Variants in SCGB2B2 observed in about 807,000 individuals in gnomAD.
SCGB2B2 encodes the protein secretoglobin-like protein.
A neutral mutation model predicts 7.6 loss-of-function variants in SCGB2B2; 11 were observed. The ratio of observed to expected loss-of-function variants is 1.45; its 90% CI spans 0.91 to 2.40. SCGB2B2 has a LOEUF of 2.40. SCGB2B2 is among the 30% of genes most tolerant of loss of function. SCGB2B2 has a pLI of 0.00. For synonymous variants in SCGB2B2, 50 were observed against 48.6 expected (o/e 1.03, Z -0.12); for missense variants, 104 against 115.4 (o/e 0.90, Z 0.45).
chr19:34,642,634 G>A (rs1451417136), intron 1 of SCGB2B2, among the ~76,000 whole-genome samples: 2 of 139,236 alleles, frequency 1.4e-5, no homozygotes, highest in Admixed American at 7.9e-5. Context: ...GGAATTGCTT[G>A]AACCCAGGAG....
intron 1 of SCGB2B2, among the ~76,000 whole-genome samples, chr19:34,598,287 G>A (rs1337870195): frequency 5.3e-5 from 8 of 152,184 alleles, no homozygotes; most frequent in Non-Finnish European, 7.4e-5. Flanking sequence ...GCAGCAGAGC[G>A]TGGAATGGGG....
At chr19:34,666,525 C>A (rs1019673649) in intron 1 of SCGB2B2, among the ~76,000 whole-genome samples, 2 of 152,048 alleles carry the variant, frequency 1.3e-5, no homozygotes, top group East Asian at 3.9e-4. Flanking sequence ...AGGAAGGGGG[C>A]GGGTACCTGG....
rs932168762 is a variant in SCGB2B2, at chr19:34,591,574, A to G, written c.*1981T>C. Among the ~76,000 whole-genome samples the G allele has an allele frequency of 9.9e-5, 15 of 152,178 alleles. No homozygotes were observed. Among genetic ancestry groups the G allele is most frequent in the Non-Finnish European group, 1.5e-4 (10 of 68,022 alleles). ...TCCCAGGATTTTTCACTGCACATGG[A>G]AAGGATCCACCTTTCTGCAAGGTCC... is the stretch of plus-strand genomic sequence containing the variant. On this transcript the variant is annotated 3_prime_UTR_variant, in exon 4 of 4. Transcript: ENST00000601241.
intron 1 of SCGB2B2, among the ~76,000 whole-genome samples, chr19:34,666,213 G>A (rs557024919): frequency 1.9e-4 from 29 of 152,122 alleles, no homozygotes; most frequent in Admixed American, 1.6e-3. Context: ...ATGTCTCCCT[G>A]TCTCTCTCAG....
intron 1 of SCGB2B2, among the ~76,000 whole-genome samples, chr19:34,608,234 CCTT>C (rs781399927): frequency 8.6e-5 from 13 of 151,812 alleles, no homozygotes; most frequent in Non-Finnish European, 1.6e-4. Flanking sequence ...AATGTAATTG[CCTT>C]CTTATTTTCT....
intron 1 of SCGB2B2, among the ~76,000 whole-genome samples, chr19:34,653,234 G>T (rs1448048812): frequency 6.6e-6 from 1 of 151,088 alleles, no homozygotes; most frequent in Admixed American, 6.6e-5. Context: ...ATAGCCAAAA[G>T]TTGATGGATG....
At chr19:34,661,851 C>T (rs148982600) in intron 1 of SCGB2B2, among the ~76,000 whole-genome samples, 146 of 151,724 alleles carry the variant, frequency 9.6e-4, no homozygotes, top group African/African-American at 3.5e-3. Context: ...AGCTCATTAG[C>T]TATTGTTAGT....
chr19:34,617,193 TTAAAG>T lies in SCGB2B2; in HGVS notation c.-2031-20604_-2031-20600del, dbSNP rs780526831. Among the ~76,000 whole-genome samples, 237 of 152,240 alleles carry T rather than the reference TTAAAG, an allele frequency of 1.6e-3. 1 individual carries two copies. Among genetic ancestry groups the T allele is most frequent in the Non-Finnish European group, 2.6e-3 (178 of 68,012 alleles). ...GCTCTTTTTTGCTTCCATATGAACT[TTAAAG>T]TAGTTTTTTCCAATTCTTTGAAGAA... is the stretch of plus-strand genomic sequence containing the variant. On this transcript the variant is annotated intron_variant, in intron 1 of 3. Coordinates refer to ENST00000601241, the MANE Select transcript of SCGB2B2 (RefSeq NM_001025591.4).
chr19:34,662,346 T>C (rs1034018520), intron 1 of SCGB2B2, among the ~76,000 whole-genome samples: 1 of 152,148 alleles, frequency 6.6e-6, no homozygotes, highest in African/African-American at 2.4e-5. Flanking sequence ...GTCCATTCCA[T>C]GTACTTTAGA....
At chr19:34,590,384 T>C (rs547937528), downstream of SCGB2B2, among the ~76,000 whole-genome samples, 140 of 130,566 alleles carry the variant, frequency 1.1e-3, 1 homozygote, top group African/African-American at 3.3e-3. Flanking sequence ...CATCCGTTCA[T>C]CCATCCATCC....
rs1568426907 is a variant in SCGB2B2, at chr19:34,594,282, G to C, written c.139C>G (p.Leu47Val). Residue 47 changes from leucine to valine, a missense_variant, in exon 3 of 4, where the codon CTT becomes GTT. Leu to Val is a conservative substitution (Grantham distance 32). Coordinates refer to ENST00000601241, the MANE Select transcript of SCGB2B2 (RefSeq NM_001025591.4). Reference protein sequence around the residue: ...DVSQDLLKEELARYNPSPLTE... With the variant: ...DVSQDLLKEEVARYNPSPLTE... ...AGGGGACTGGGGTTGTAACGAGCAA[G>C]CTCCTCCTTCAGGAGGTCTTGGGAC... The C allele has an allele frequency of 1.2e-6, 2 of 1,613,966 alleles. No homozygotes were observed. Among genetic ancestry groups the C allele is most frequent in the Non-Finnish European group, 1.7e-6 (2 of 1,179,822 alleles).
At chr19:34,637,117 G>C (rs1046921698) in intron 1 of SCGB2B2, among the ~76,000 whole-genome samples, 32 of 152,306 alleles carry the variant, frequency 2.1e-4, no homozygotes, top group African/African-American at 7.7e-4. Flanking sequence ...AGCACAGTGA[G>C]GCATGAGGAA....
downstream of SCGB2B2, among the ~76,000 whole-genome samples, chr19:34,588,980 G>C (rs2065241790): frequency 6.6e-6 from 1 of 152,180 alleles, no homozygotes; most frequent in South Asian, 2.1e-4. Flanking sequence ...TGGAGGATCA[G>C]GTCTCAAGGT....
At chr19:34,606,143 T>C (rs960441668) in intron 1 of SCGB2B2, among the ~76,000 whole-genome samples, 16 of 152,186 alleles carry the variant, frequency 1.1e-4, no homozygotes, top group African/African-American at 3.6e-4. Flanking sequence ...TTTACATAGT[T>C]ACTAAAAATT....
chr19:34,666,655 A>G (rs1367555428), intron 1 of SCGB2B2, among the ~76,000 whole-genome samples: 2 of 152,032 alleles, frequency 1.3e-5, no homozygotes, highest in Non-Finnish European at 2.9e-5. Flanking sequence ...TAAAGACCCC[A>G]TCTCCCCAAA....
At chr19:34,618,289 G>A (rs969876862) in intron 1 of SCGB2B2, among the ~76,000 whole-genome samples, 2 of 152,190 alleles carry the variant, frequency 1.3e-5, no homozygotes, top group Non-Finnish European at 2.9e-5. Flanking sequence ...ATCTTAACTA[G>A]TTTGACCATA....
intron 1 of SCGB2B2, among the ~76,000 whole-genome samples, chr19:34,606,107 A>T (rs866151083): frequency 9.4e-4 from 143 of 151,494 alleles, no homozygotes; most frequent in African/African-American, 3.3e-3. Context: ...GTAGTTTTTT[A>T]AAATTTTACC....
chr19:34,597,816 GC>G (rs2065503612), intron 1 of SCGB2B2, among the ~76,000 whole-genome samples: 2 of 152,250 alleles, frequency 1.3e-5, no homozygotes, highest in African/African-American at 4.8e-5. Flanking sequence ...CCATGCTGCA[GC>G]CTCGAGGCCT....
chr19:34,596,539 G>C lies in SCGB2B2; in HGVS notation c.-1976C>G, dbSNP rs1482288367. On this transcript the variant is annotated 5_prime_UTR_variant, in exon 2 of 4. In the 5' UTR this introduces an upstream ATG that the reference lacks. Transcript: ENST00000601241. ...TGTGATTATATGAATATGAGGTTGTGATTGTGGCTGGGAGGGGCTGTGTGG... is the reference window on the plus strand; with the variant it reads ...TGTGATTATATGAATATGAGGTTGTCATTGTGGCTGGGAGGGGCTGTGTGG... 1 of 152,618 alleles carries C rather than the reference G, an allele frequency of 6.6e-6. No homozygotes were observed. The highest frequency in any genetic ancestry group is 2.4e-5 in the African/African-American group (1 of 41,368). The allele number at this position is 152,618 out of a possible 1,614,324, so 9.5% of individuals were successfully genotyped here.
Sources: gnomAD v4.1 joint callset for allele counts (sites outside exome capture counted in the v4.1 genomes callset) on GRCh38, gnomAD v4.1.1 for gene constraint, MANE v1.5 for transcripts, NCBI Gene and HGNC (gene_info 2026-07-23, HGNC 2026-07-21) for gene names.